The following PODXL variants were observed in gnomAD, a reference collection of about 807,000 sequenced individuals.
PODXL encodes the protein podocalyxin.
A neutral mutation model predicts 48.9 loss-of-function variants in PODXL; 20 were observed. The observed-to-expected ratio is 0.41, with a 90% confidence interval of 0.29 to 0.59. PODXL has a LOEUF of 0.59. Among genes scored for constraint, PODXL ranks in the 20% least tolerant of loss-of-function variants. PODXL has a pLI of 0.31. For missense variants in PODXL, 606 were observed against 675.1 expected (o/e 0.90, Z 1.13); for synonymous variants, 295 against 287.4 (o/e 1.03, Z -0.27).
Position 131,556,573 on chromosome 7 carries a change from A to AGCGGCG in PODXL, c.-220_-215dup, listed in dbSNP as rs950879591. ...TGGGGCGCAGAGCCAGTGGCAGAGG[A>AGCGGCG]GCGGCGGCGGCGGCGGCTGCGTCCT... is the stretch of plus-strand genomic sequence containing the variant. On this transcript the variant is annotated 5_prime_UTR_variant, in exon 1 of 9. Transcript: ENST00000378555. The AGCGGCG allele has an allele frequency of 8.0e-5, 37 of 464,234 alleles. 1 individual carries two copies. The highest frequency in any genetic ancestry group is 4.0e-4 in the South Asian group (4 of 10,024). The allele number at this position is 464,234 out of a possible 1,614,324, so 28.8% of individuals were successfully genotyped here. A position where few individuals can be genotyped will look rare whatever the true frequency, so the allele number is the denominator to read the frequency against.
intron 1 of PODXL, among the ~76,000 whole-genome samples, chr7:131,516,025 AG>A (rs1416665548): frequency 1.3e-5 from 2 of 152,264 alleles, no homozygotes; most frequent in African/African-American, 4.8e-5. Context: ...ATTTAACATA[AG>A]GGTGCTGTAT....
At position 131,501,174 on chromosome 7, in the gene PODXL, A is replaced by AT. The variant is rs1485916756; in HGVS notation, c.*3136dup. On this transcript the variant is annotated 3_prime_UTR_variant, in exon 9 of 9. Coordinates refer to ENST00000378555, the MANE Select transcript of PODXL (RefSeq NM_001018111.3). ...TCATAAGTTTGTCTTGTTATATTTC[A>AT]TTTTTTGTTTAAAAAAAAAAATCAA... is the stretch of plus-strand genomic sequence containing the variant. The AT allele has an allele frequency of 2.0e-5, 3 of 152,156 alleles. No individual in the cohort carries two copies. The highest frequency in any genetic ancestry group is 7.3e-5 in the African/African-American group (3 of 41,132). The allele number at this position is 152,156 out of a possible 1,614,324, so 9.4% of individuals were successfully genotyped here.
chr7:131,556,228 GAGT>G (rs1798740673), intron 1 of PODXL, 29 bp downstream of exon 1: 1 of 1,448,442 alleles, frequency 6.9e-7, no homozygotes. Flanking sequence ...GGCACGGTGG[GAGT>G]CCCGGCGGAA....
chr7:131,523,766 T>C (rs1798128743), intron 1 of PODXL, among the ~76,000 whole-genome samples: 1 of 151,084 alleles, frequency 6.6e-6, no homozygotes, highest in Non-Finnish European at 1.5e-5. Context: ...CATACAAGAT[T>C]ATTTTTATAT....
At chr7:131,542,420 C>A (rs901812908) in intron 1 of PODXL, among the ~76,000 whole-genome samples, 1 of 152,178 alleles carries the variant, frequency 6.6e-6, no homozygotes, top group African/African-American at 2.4e-5. Flanking sequence ...CTTTGGGAGG[C>A]TGAGGCATGA....
intron 1 of PODXL, among the ~76,000 whole-genome samples, chr7:131,519,734 T>C (rs1384532084): frequency 1.3e-5 from 2 of 152,194 alleles, no homozygotes; most frequent in Non-Finnish European, 2.9e-5. Context: ...TTCTTTCTTT[T>C]TTTTATTTTT....
chr7:131,511,025 A>C lies in PODXL; in HGVS notation c.509T>G (p.Leu170Arg). The C allele has an allele frequency of 6.2e-7, 1 of 1,613,932 alleles. No individual in the cohort carries two copies. Among genetic ancestry groups the C allele is most frequent in the Non-Finnish European group, 8.5e-7 (1 of 1,179,988 alleles). ...GKSSHSVTTD[L>R]TSTKAEHLTT... ...CAGATGTTCTGCCTTAGTGGATGTGAGGTCTGTGGTCACACTGTGGCTGCT... is the reference window on the plus strand; with the variant it reads ...CAGATGTTCTGCCTTAGTGGATGTGCGGTCTGTGGTCACACTGTGGCTGCT... Residue 170 changes from leucine to arginine, a missense_variant, in exon 2 of 9, where the codon CTC becomes CGC. Leu to Arg is a moderately radical substitution (Grantham distance 102, BLOSUM62 -2). Coordinates refer to ENST00000378555, the MANE Select transcript of PODXL (RefSeq NM_001018111.3).
At chr7:131,528,714 T>C (rs1475655940) in intron 1 of PODXL, among the ~76,000 whole-genome samples, 1 of 152,148 alleles carries the variant, frequency 6.6e-6, no homozygotes, top group Non-Finnish European at 1.5e-5. Context: ...TTCAGCTGCT[T>C]GATGTAGAAA....
At chr7:131,531,368 G>A (rs1798277684) in intron 1 of PODXL, among the ~76,000 whole-genome samples, 1 of 152,204 alleles carries the variant, frequency 6.6e-6, no homozygotes, top group South Asian at 2.1e-4. Flanking sequence ...CCTGACCTGG[G>A]ATAAGAGCAA....
chr7:131,556,222 CG>C (rs1271024891), intron 1 of PODXL, 37 bp downstream of exon 1: 1 of 1,435,860 alleles, frequency 7.0e-7, no homozygotes. Flanking sequence ...CACATGGGCA[CG>C]GTGGGAGTCC....
At chr7:131,508,726 C>T (rs1733859) in intron 5 of PODXL, among the ~76,000 whole-genome samples, 114,525 of 141,964 alleles carry the variant, frequency 0.81, 46,617 homozygotes, top group East Asian at 0.99. Flanking sequence ...AGGGGGGGGT[C>T]CAGTCCTGTG....
At chr7:131,542,248 C>T (rs972645733) in intron 1 of PODXL, among the ~76,000 whole-genome samples, 1 of 152,124 alleles carries the variant, frequency 6.6e-6, no homozygotes, top group Non-Finnish European at 1.5e-5. Flanking sequence ...CTCTCTCTGC[C>T]CTCTCTCTCT....
chr7:131,524,448 T>A (rs1019631726), intron 1 of PODXL, among the ~76,000 whole-genome samples: 56 of 149,804 alleles, frequency 3.7e-4, no homozygotes, highest in Middle Eastern at 7.2e-3. Context: ...CCCAATTTTT[T>A]AAAACAGGCA....
chr7:131,523,636 G>A lies in PODXL; in HGVS notation c.101-12203C>T, dbSNP rs190871816. On this transcript the variant is annotated intron_variant, in intron 1 of 8. Transcript: ENST00000378555. Reference sequence around the variant, plus strand: ...GGAGCTTGCAGTGAGCTGAGATGGCGCCACTGCACTCCAGCCTGGGCAACA... The same window carrying A: ...GGAGCTTGCAGTGAGCTGAGATGGCACCACTGCACTCCAGCCTGGGCAACA... Among the ~76,000 whole-genome samples the A allele has an allele frequency of 2.4e-3, 331 of 135,480 alleles. 1 individual carries two copies. The highest frequency in any genetic ancestry group is 9.0e-3 in the Admixed American group (112 of 12,376). The allele number at this position is 135,480 out of a possible 152,430, so 88.9% of individuals were successfully genotyped here.
intron 1 of PODXL, among the ~76,000 whole-genome samples, chr7:131,528,626 T>G (rs1310301027): frequency 6.6e-6 from 1 of 152,210 alleles, no homozygotes; most frequent in South Asian, 2.1e-4. Context: ...GATTGTCAAG[T>G]AGTATTTGGT....
intron 1 of PODXL, among the ~76,000 whole-genome samples, chr7:131,536,898 T>C (rs1798384336): frequency 6.7e-6 from 1 of 150,184 alleles, no homozygotes; most frequent in African/African-American, 2.5e-5. Context: ...GCCGAGGCAG[T>C]CAGATCACTT....
intron 1 of PODXL, chr7:131,520,020 C>G (rs550104366): frequency 1.4e-4 from 27 of 191,286 alleles, no homozygotes; most frequent in Admixed American, 1.2e-3. Flanking sequence ...ACACTGTGCC[C>G]TGCCACAAAT....
At chr7:131,508,885 T>C in intron 5 of PODXL, 66 bp downstream of exon 5, 1 of 1,097,572 alleles carries the variant, frequency 9.1e-7, no homozygotes, top group Non-Finnish European at 1.4e-6. Flanking sequence ...GAACATACAT[T>C]CCCTCTCCCT....
chr7:131,530,697 G>A (rs1798263809), intron 1 of PODXL, among the ~76,000 whole-genome samples: 3 of 151,190 alleles, frequency 2.0e-5, no homozygotes, highest in Admixed American at 6.6e-5. Context: ...ACTTGAGGCT[G>A]CAGTGAGCTA....
Sources: allele counts gnomAD v4.1 joint callset (sites outside exome capture counted in the v4.1 genomes callset), GRCh38; gene constraint gnomAD v4.1.1; transcripts MANE v1.5; gene names NCBI Gene and HGNC (gene_info 2026-07-23, HGNC 2026-07-21).